Variants in MALRD1 observed in about 807,000 individuals in gnomAD.
MALRD1 encodes MAM and LDL receptor class A domain containing 1.
A neutral mutation model predicts 242.1 loss-of-function variants in MALRD1; 247 were observed. The observed-to-expected ratio is 1.02, with a 90% CI of 0.92 to 1.13. The LOEUF is 1.13. Among genes scored for constraint, MALRD1 ranks in the 50% most tolerant of loss-of-function variants. The pLI is 0.00. For missense variants in MALRD1, 2,989 were observed against 2,533.1 expected (o/e 1.18, Z -3.86); for synonymous variants, 995 against 866.6 (o/e 1.15, Z -2.60).
At chr10:19,390,418 G>T (rs1427249694) in intron 28 of MALRD1, among the ~76,000 whole-genome samples, 2 of 152,176 alleles carry the variant, frequency 1.3e-5, no homozygotes, top group Non-Finnish European at 2.9e-5. Context: ...CATTTTCTTA[G>T]TAAGGATTAA....
chr10:19,431,414 A>G (rs1423573619), intron 28 of MALRD1, among the ~76,000 whole-genome samples: 2 of 152,242 alleles, frequency 1.3e-5, no homozygotes, highest in East Asian at 1.9e-4. Flanking sequence ...TAGCTTTTCT[A>G]TTTTGGAGAA....
intron 39 of MALRD1, among the ~76,000 whole-genome samples, chr10:19,731,482 A>G (rs1016946015): frequency 1.3e-5 from 2 of 149,118 alleles, no homozygotes; most frequent in Non-Finnish European, 1.5e-5. Flanking sequence ...ATCACCTCAC[A>G]TAGTTTACTT....
chr10:19,173,228 C>A (rs1232906271), intron 13 of MALRD1, among the ~76,000 whole-genome samples: 2 of 151,892 alleles, frequency 1.3e-5, no homozygotes, highest in Non-Finnish European at 2.9e-5. Flanking sequence ...TAATATTATA[C>A]TATAATATTT....
chr10:19,547,108 C>T (rs1257749869), intron 32 of MALRD1, among the ~76,000 whole-genome samples: 13 of 152,094 alleles, frequency 8.5e-5, no homozygotes. Context: ...GGCTAACTAA[C>T]ATTAAATGCT....
At chr10:19,210,910 G>T (rs963742027) in intron 18 of MALRD1, among the ~76,000 whole-genome samples, 3 of 152,154 alleles carry the variant, frequency 2.0e-5, no homozygotes, top group Non-Finnish European at 4.4e-5. Flanking sequence ...ACAGTGTAAA[G>T]TATGTGTAAG....
At chr10:19,653,804 C>A (rs1197572956) in intron 36 of MALRD1, among the ~76,000 whole-genome samples, 1 of 152,098 alleles carries the variant, frequency 6.6e-6, no homozygotes, top group Non-Finnish European at 1.5e-5. Flanking sequence ...CCATGGTGAT[C>A]CATTTCAGTA....
intron 32 of MALRD1, among the ~76,000 whole-genome samples, chr10:19,536,028 G>A (rs764033626): frequency 9.2e-5 from 14 of 152,334 alleles, no homozygotes; most frequent in Middle Eastern, 3.4e-3. Context: ...GACTGTGGGA[G>A]TATGTCTCCT....
intron 12 of MALRD1, among the ~76,000 whole-genome samples, chr10:19,155,526 A>G (rs1434092954): frequency 1.3e-5 from 2 of 152,228 alleles, no homozygotes; most frequent in Non-Finnish European, 2.9e-5. Context: ...AGAAAGACAA[A>G]TGGAAATGAT....
intron 29 of MALRD1, among the ~76,000 whole-genome samples, chr10:19,479,137 G>A (rs1836875931): frequency 6.6e-6 from 1 of 152,170 alleles, no homozygotes. Context: ...TGCTAGTATT[G>A]AGTATATAGT....
intron 36 of MALRD1, among the ~76,000 whole-genome samples, chr10:19,690,767 G>A (rs1052064838): frequency 2.2e-4 from 34 of 151,842 alleles, no homozygotes; most frequent in African/African-American, 7.7e-4. Context: ...AATAGGCAGT[G>A]TAGATAATAG....
At chr10:19,556,217 C>T (rs1429331264) in intron 32 of MALRD1, among the ~76,000 whole-genome samples, 1 of 152,094 alleles carries the variant, frequency 6.6e-6, no homozygotes, top group Non-Finnish European at 1.5e-5. Flanking sequence ...TTGTCCTACC[C>T]AGTTTTCATC....
At chr10:19,048,311 A>G (rs1397637607), upstream of MALRD1, among the ~76,000 whole-genome samples, 1 of 152,242 alleles carries the variant, frequency 6.6e-6, no homozygotes, top group African/African-American at 2.4e-5. Flanking sequence ...TTAAAAATCT[A>G]TGGTTCTTAA....
At chr10:19,047,054 G>GTAGATTTGTGTAGATAGGAAATA (rs1834355011), upstream of MALRD1, among the ~76,000 whole-genome samples, 1 of 152,056 alleles carries the variant, frequency 6.6e-6, no homozygotes, top group Admixed American at 6.5e-5. Context: ...AGATAGGAGT[G>GTAGATTTGTGTAGATAGGAAATA]GATTTGTGCT....
At chr10:19,298,273 G>A (rs1011037356) in intron 21 of MALRD1, among the ~76,000 whole-genome samples, 1 of 151,612 alleles carries the variant, frequency 6.6e-6, no homozygotes, top group African/African-American at 2.4e-5. Context: ...TCCTGAGAGT[G>A]GGAACTCACT....
chr10:19,471,547 A>G (rs1836497593), intron 29 of MALRD1, among the ~76,000 whole-genome samples: 1 of 150,940 alleles, frequency 6.6e-6, no homozygotes, highest in Non-Finnish European at 1.5e-5. Flanking sequence ...AACAATATTA[A>G]TGTTTCAATT....
rs117130229 is a variant in MALRD1, at chr10:19,146,189, G to A, written c.1412-9G>A. On this transcript the variant is annotated splice_polypyrimidine_tract_variant and intron_variant, in intron 10 of 39. Transcript: ENST00000454679. ...TCTCCTCACCTGTTTTCTCTTCTAC[G>A]TGTAACAGCAAAGCATCTCACCTGT... 0.011 allele frequency: 13,017 copies of A among 1,231,442 alleles called. 106 individuals carry two copies. The highest frequency in any genetic ancestry group is 0.012 in the Non-Finnish European group (11,999 of 987,820). The allele number at this position is 1,231,442 out of a possible 1,614,324, so 76.3% of individuals were successfully genotyped here. A position where few individuals can be genotyped will look rare whatever the true frequency, so the allele number is the denominator to read the frequency against.
chr10:19,178,064 G>T (rs554528895), intron 14 of MALRD1, among the ~76,000 whole-genome samples: 1 of 152,114 alleles, frequency 6.6e-6, no homozygotes, highest in Non-Finnish European at 1.5e-5. Flanking sequence ...CAAAAGTGTG[G>T]TTAAAGGTTT....
At chr10:19,326,530 C>T (rs1843142332) in intron 22 of MALRD1, among the ~76,000 whole-genome samples, 1 of 151,904 alleles carries the variant, frequency 6.6e-6, no homozygotes. Context: ...ATTTGCTATA[C>T]ATTTTTTTCA....
At chr10:19,273,965 C>G (rs1350341130) in intron 19 of MALRD1, among the ~76,000 whole-genome samples, 2 of 151,986 alleles carry the variant, frequency 1.3e-5, no homozygotes, top group African/African-American at 4.8e-5. Context: ...GGCCACTATC[C>G]AAATAATGAA....
Sources: gnomAD v4.1 joint callset for allele counts (sites outside exome capture counted in the v4.1 genomes callset) on GRCh38, gnomAD v4.1.1 for gene constraint, MANE v1.5 for transcripts, NCBI Gene and HGNC (gene_info 2026-07-23, HGNC 2026-07-21) for gene names.